Variants in NAT2 observed in about 807,000 individuals in gnomAD.
The protein encoded by NAT2 is arylamine N-acetyltransferase 2.
For synonymous variants in NAT2, 137 were observed against 125.9 expected (o/e 1.09, Z -0.59); for missense variants, 428 against 339.1 (o/e 1.26, Z -2.06).
In NAT2 at chr8:18,398,698, TG is replaced by T. The variant is rs558245888; in HGVS notation, c.-6-1297del. On this transcript the variant is annotated intron_variant, in intron 1 of 1. Coordinates refer to ENST00000286479, the MANE Select transcript of NAT2 (RefSeq NM_000015.3). ...ATTCTTTGTTAGTATTGTTCTTCAG[TG>T]GGTTCTCCCCAGTAGCTTTGGGTTG... 7.0e-4 allele frequency among the ~76,000 whole-genome samples: 106 copies of T among 152,204 alleles called. 1 individual carries two copies. The highest frequency in any genetic ancestry group is 1.8e-3 in the Admixed American group (27 of 15,272).
intron 1 of NAT2, among the ~76,000 whole-genome samples, chr8:18,394,112 A>T (rs187139582): frequency 3.7e-4 from 57 of 152,042 alleles, no homozygotes; most frequent in Middle Eastern, 3.4e-3. Context: ...GTACAGTCAA[A>T]GGGGGGTTGT....
chr8:18,387,174 G>A (rs10095159), upstream of NAT2: 42,941 of 152,402 alleles, frequency 0.28, 6,987 homozygotes, highest in East Asian at 0.51. Flanking sequence ...GGGAGCGCGG[G>A]GAGCTGGCCG....
At chr8:18,390,134 G>C (rs1459716520), upstream of NAT2, among the ~76,000 whole-genome samples, 1 of 152,184 alleles carries the variant, frequency 6.6e-6, no homozygotes, top group Non-Finnish European at 1.5e-5. Context: ...CTGAGTGGTG[G>C]TCCCAGGTGC....
intron 1 of NAT2, among the ~76,000 whole-genome samples, chr8:18,399,421 A>G (rs1420816687): frequency 6.6e-6 from 1 of 152,162 alleles, no homozygotes; most frequent in East Asian, 1.9e-4. Flanking sequence ...TTAAAATATA[A>G]TATTTTTGAG....
rs760616420 is a variant in NAT2 at position 18,399,999 on chromosome 8, G to A, written c.-5G>A. ...TTATGTTTTGTTTTTCTTGCTTAGG[G>A]GATCATGGACATTGAAGCATATTTT... On this transcript the variant is annotated splice_region_variant and 5_prime_UTR_variant, in exon 2 of 2. Coordinates refer to ENST00000286479, the MANE Select transcript of NAT2 (RefSeq NM_000015.3). 5 of 1,563,934 alleles carry A rather than the reference G, an allele frequency of 3.2e-6. No homozygotes were observed. In the Admixed American group the frequency reaches 7.7e-5, roughly 24 times the overall value.
intron 1 of NAT2, among the ~76,000 whole-genome samples, chr8:18,398,723 T>G (rs1400317659): frequency 6.6e-6 from 1 of 152,204 alleles, no homozygotes; most frequent in African/African-American, 2.4e-5. Flanking sequence ...AGCTTTGGGT[T>G]GATATCCTCC....
At chr8:18,396,971 T>C (rs1773798073) in intron 1 of NAT2, among the ~76,000 whole-genome samples, 2 of 152,220 alleles carry the variant, frequency 1.3e-5, no homozygotes, top group African/African-American at 4.8e-5. Flanking sequence ...TTAACTTTTA[T>C]GTAATTTAAA....
At chr8:18,388,204 A>C (rs2117607995), upstream of NAT2, among the ~76,000 whole-genome samples, 2 of 152,350 alleles carry the variant, frequency 1.3e-5, no homozygotes, top group South Asian at 4.1e-4. Flanking sequence ...ACTGAGTCTC[A>C]ACAATTCATG....
chr8:18,399,800 G>A (rs1800755815), intron 1 of NAT2, among the ~76,000 whole-genome samples, 198 bp from the exon 2 acceptor site: 1 of 152,134 alleles, frequency 6.6e-6, no homozygotes, highest in South Asian at 2.1e-4. Context: ...TCCTTACAGG[G>A]TTCTGAGACT....
Position 18,400,884 on chromosome 8 carries a change from A to G in NAT2, c.*8A>G, listed in dbSNP as rs780711931. 1 of 1,562,696 alleles carries G rather than the reference A, an allele frequency of 6.4e-7. No individual in the cohort carries two copies. The highest frequency in any genetic ancestry group is 1.2e-5 in the South Asian group (1 of 80,368). Reference sequence around the variant, plus strand: ...GGATCCCTTACTATTTAGAATAAGGAACAAAATAAACCCTTGTGTATGTAT... The same window carrying G: ...GGATCCCTTACTATTTAGAATAAGGGACAAAATAAACCCTTGTGTATGTAT... On this transcript the variant is annotated 3_prime_UTR_variant, in exon 2 of 2. Coordinates refer to ENST00000286479, the MANE Select transcript of NAT2 (RefSeq NM_000015.3).
intron 1 of NAT2, among the ~76,000 whole-genome samples, chr8:18,395,880 C>G (rs756642260): frequency 4.6e-5 from 7 of 151,166 alleles, no homozygotes; most frequent in Non-Finnish European, 7.4e-5. Flanking sequence ...AGAGGACTCA[C>G]TTTCACAAAC....
chr8:18,390,551 C>G (rs779159286), upstream of NAT2, among the ~76,000 whole-genome samples: 60 of 151,878 alleles, frequency 4.0e-4, 1 homozygote, highest in Admixed American at 3.3e-4. Flanking sequence ...TAAATATATA[C>G]AATTGTTATG....
intron 1 of NAT2, among the ~76,000 whole-genome samples, chr8:18,393,958 G>C (rs1800637304): frequency 6.6e-6 from 1 of 152,234 alleles, no homozygotes; most frequent in Admixed American, 6.5e-5. Context: ...GCACATCCGT[G>C]TGAAGAGACC....
At chr8:18,399,180 T>G (rs1800746610) in intron 1 of NAT2, among the ~76,000 whole-genome samples, 1 of 152,182 alleles carries the variant, frequency 6.6e-6, no homozygotes, top group Non-Finnish European at 1.5e-5. Flanking sequence ...ATCCTGGTAC[T>G]TTCTGTTCCA....
At position 18,400,839 on chromosome 8, in the gene NAT2, T is replaced by C; in HGVS notation, c.836T>C (p.Leu279Pro). The change falls in exon 2 of 2, where the codon CTC becomes CCC. Residue 279 changes from leucine (L) to proline (P), a missense_variant. Transcript: ENST00000286479. ...TTTAAGATTTCCTTGGGGAGAAATCTCGTGCCCAAACCTGGTGATGGATCC... is the reference window on the plus strand; with the variant it reads ...TTTAAGATTTCCTTGGGGAGAAATCCCGTGCCCAAACCTGGTGATGGATCC... Reference protein sequence around the residue: ...NIFKISLGRNLVPKPGDGSLT... With the variant: ...NIFKISLGRNPVPKPGDGSLT... 1 of 1,607,180 alleles carries C rather than the reference T, an allele frequency of 6.2e-7. No individual in the cohort carries two copies. The highest frequency in any genetic ancestry group is 8.5e-7 in the Non-Finnish European group (1 of 1,177,926).
At chr8:18,395,015 C>G (rs1800660393) in intron 1 of NAT2, among the ~76,000 whole-genome samples, 1 of 152,076 alleles carries the variant, frequency 6.6e-6, no homozygotes, top group South Asian at 2.1e-4. Flanking sequence ...AATTTTGACT[C>G]TGAAAAACAA....
intron 1 of NAT2, 96 bp from the exon 2 acceptor site, chr8:18,399,902 T>C (rs1800757260): frequency 7.5e-7 from 1 of 1,330,564 alleles, no homozygotes. Flanking sequence ...CATTGTGTTT[T>C]TACGTATTTA....
In NAT2 at chr8:18,400,826, T is replaced by A. The variant is rs148566670; in HGVS notation, c.823T>A (p.Leu275Met). ...EVLRNIFKISLGRNLVPKPGD... is the reference protein window; with the variant it reads ...EVLRNIFKISMGRNLVPKPGD... Reference sequence around the variant, plus strand: ...GCTGAGAAATATATTTAAGATTTCCTTGGGGAGAAATCTCGTGCCCAAACC... The same window carrying A: ...GCTGAGAAATATATTTAAGATTTCCATGGGGAGAAATCTCGTGCCCAAACC... Residue 275 changes from leucine to methionine, a missense_variant, in exon 2 of 2, where the codon TTG becomes ATG. Transcript: ENST00000286479. 2.2e-4 allele frequency: 357 copies of A among 1,608,576 alleles called. No homozygotes were observed. Among genetic ancestry groups the A allele is most frequent in the Non-Finnish European group, 2.8e-4 (326 of 1,178,540 alleles).
In NAT2 at chr8:18,399,380, C is replaced by T. The variant is rs553759338; in HGVS notation, c.-6-618C>T. On this transcript the variant is annotated intron_variant, in intron 1 of 1. Transcript: ENST00000286479. ...AGACTGCATGTTTTATCCATTTATTCAGTTTCCTATTTGTGTCCCTTCAAC... is the reference window on the plus strand; with the variant it reads ...AGACTGCATGTTTTATCCATTTATTTAGTTTCCTATTTGTGTCCCTTCAAC... 2.0e-5 allele frequency among the ~76,000 whole-genome samples: 3 copies of T among 152,282 alleles called. No individual in the cohort carries two copies. The East Asian group carries it at 5.8e-4, about 29-fold the overall frequency.
Sources: gnomAD v4.1 joint callset for allele counts (sites outside exome capture counted in the v4.1 genomes callset) on GRCh38, gnomAD v4.1.1 for gene constraint, MANE v1.5 for transcripts, NCBI Gene and HGNC (gene_info 2026-07-23, HGNC 2026-07-21) for gene names.